KCNAB2: variants seen among roughly 807,000 people sequenced by gnomAD.
KCNAB2 encodes voltage-gated potassium channel subunit beta-2.
KCNAB2 carries 29 observed loss-of-function variants against 63.6 expected under a neutral mutation model. That is an observed-to-expected ratio of 0.46 (90% CI 0.34 to 0.62). The LOEUF is 0.62. Ranked by LOEUF, KCNAB2 falls within the 20% of genes least tolerant of loss-of-function variation. The pLI is 0.01. For synonymous variants in KCNAB2, 222 were observed against 224.2 expected (o/e 0.99, Z 0.09); for missense variants, 359 against 563.9 (o/e 0.64, Z 3.68).
chr1:6,061,513 C>T lies in KCNAB2; in HGVS notation c.218+9759C>T, dbSNP rs34815440. On this transcript the variant is annotated intron_variant, in intron 2 of 15. Coordinates refer to ENST00000378083, the MANE Select transcript of KCNAB2 (RefSeq NM_001199862.2). The stretch of plus-strand genomic sequence containing the variant: ...ACAGAGCAGGCCTCCTCAACCCTGG[C>T]ACCATTGACACTTGGGCTGGACAAT... Among the ~76,000 whole-genome samples the T allele has an allele frequency of 8.8e-3, 1,343 of 152,362 alleles. 11 individuals carry two copies. Among genetic ancestry groups the T allele is most frequent in the Non-Finnish European group, 0.015 (1,043 of 68,034 alleles).
chr1:5,994,259 G>A lies in KCNAB2; in HGVS notation c.-53+1471G>A, dbSNP rs1453561889. 2.0e-5 allele frequency among the ~76,000 whole-genome samples: 3 copies of A among 152,180 alleles called. No homozygotes were observed. Among genetic ancestry groups the A allele is most frequent in the Non-Finnish European group, 4.4e-5 (3 of 68,034 alleles). On this transcript the variant is annotated intron_variant, in intron 1 of 16. Coordinates refer to the KCNAB2 transcript ENST00000341524. The surrounding 1 kb of genome is among the most constrained non-coding windows in gnomAD (Gnocchi z 5.4). ...TAAGGAAGCCGCATTCAGGCCCCGCGTTGCAGGTTGCAGGGTTTGGGGACC... is the reference window on the plus strand; with the variant it reads ...TAAGGAAGCCGCATTCAGGCCCCGCATTGCAGGTTGCAGGGTTTGGGGACC...
chr1:6,040,490 C>T, intron 1 of KCNAB2: 1 of 1,218,000 alleles, frequency 8.2e-7, no homozygotes. Flanking sequence ...CACCCTCTTC[C>T]CCTCCCTTAT....
At chr1:6,018,195 C>A (rs1658625679) in intron 1 of KCNAB2, among the ~76,000 whole-genome samples, 1 of 151,680 alleles carries the variant, frequency 6.6e-6, no homozygotes, top group African/African-American at 2.4e-5. Flanking sequence ...CCTCCCAATC[C>A]CAAAGTGCTG....
At chr1:6,052,396 A>G (rs1661466922) in intron 2 of KCNAB2, among the ~76,000 whole-genome samples, 1 of 151,954 alleles carries the variant, frequency 6.6e-6, no homozygotes, top group Non-Finnish European at 1.5e-5. Context: ...ACTGCACTCC[A>G]GGCTGGGTGA....
chr1:6,076,515 G>C (rs1663675103), intron 4 of KCNAB2, among the ~76,000 whole-genome samples: 1 of 152,238 alleles, frequency 6.6e-6, no homozygotes, highest in Admixed American at 6.5e-5. Flanking sequence ...TAATGGTTGA[G>C]AACCTAACAC....
chr1:6,099,958 G>A lies in KCNAB2; in HGVS notation c.*1384G>A. The stretch of plus-strand genomic sequence containing the variant: ...AGGCCTGTGTCCCAAGCAGTACCCA[G>A]GCTTTGCAGACCACGCGGGGCAGGG... On this transcript the variant is annotated 3_prime_UTR_variant, in exon 16 of 16. Coordinates refer to ENST00000378083, the MANE Select transcript of KCNAB2 (RefSeq NM_001199862.2). 3 of 1,550,222 alleles carry A rather than the reference G, an allele frequency of 1.9e-6. No individual in the cohort carries two copies. Among genetic ancestry groups the A allele is most frequent in the Non-Finnish European group, 8.7e-7 (1 of 1,146,828 alleles).
At chr1:6,050,247 C>T (rs1661273748) in intron 1 of KCNAB2, among the ~76,000 whole-genome samples, 1 of 152,246 alleles carries the variant, frequency 6.6e-6, no homozygotes, top group Non-Finnish European at 1.5e-5. Context: ...TCCAGGATCC[C>T]ACTGTGCAGC....
chr1:6,032,507 G>T (rs1028936042), upstream of KCNAB2, among the ~76,000 whole-genome samples: 1 of 151,732 alleles, frequency 6.6e-6, no homozygotes, highest in Non-Finnish European at 1.5e-5. Context: ...AACCCAGGAG[G>T]CAGAGGTTGC....
rs551307657 is a variant in KCNAB2 at position 6,003,730 on chromosome 1, A to T, written c.-53+10942A>T. The stretch of plus-strand genomic sequence containing the variant: ...TCGTAGTATATAGCTCATGTCCCAG[A>T]ACCAGCCACGTCTCCTCGTCGTCGT... On this transcript the variant is annotated intron_variant, in intron 1 of 16. Transcript: ENST00000341524. This position sits in a 1 kb window ranked among gnomAD's most constrained non-coding sequence, Gnocchi z 4.1. Among the ~76,000 whole-genome samples the T allele has an allele frequency of 6.6e-6, 1 of 152,360 alleles. No individual in the cohort carries two copies. The highest frequency in any genetic ancestry group is 2.4e-5 in the African/African-American group (1 of 41,584).
chr1:6,096,738 C>A lies in KCNAB2; in HGVS notation c.1051C>A (p.Leu351Met). 6.3e-7 allele frequency: 1 copy of A among 1,586,710 alleles called. No homozygotes were observed. The highest frequency in any genetic ancestry group is 1.8e-5 in the Admixed American group (1 of 55,392). Residue 351 changes from leucine to methionine, a missense_variant, in exon 14 of 16, where the codon CTG becomes ATG. Physicochemically the swap from Leu to Met is conservative, Grantham distance 15. Transcript: ENST00000378083. This position sits in a 1 kb window ranked among gnomAD's most constrained non-coding sequence, Gnocchi z 5.9. ...CATCGCCGAGCGCCTGGGCTGCACC[C>A]TGCCCCAGCTGGCCATAGGTAACGG... ...QAIAERLGCT[L>M]PQLAIAWCLR...
intron 1 of KCNAB2, among the ~76,000 whole-genome samples, chr1:6,037,473 C>G (rs535181879): frequency 1.3e-5 from 2 of 152,224 alleles, no homozygotes; most frequent in Non-Finnish European, 2.9e-5. Flanking sequence ...ACCCTCCACT[C>G]TGAAGCCCTG....
chr1:6,098,854 C>G lies in KCNAB2; in HGVS notation c.*280C>G, dbSNP rs1443048816. 1 of 315,074 alleles carries G rather than the reference C, an allele frequency of 3.2e-6. No individual in the cohort carries two copies. Among genetic ancestry groups the G allele is most frequent in the Non-Finnish European group, 5.8e-6 (1 of 171,124 alleles). The allele number at this position is 315,074 out of a possible 1,614,324, so 19.5% of individuals were successfully genotyped here. ...GTCACCTCTGCTCATCCTCCAAGACCACCCAGCTTTCTCCCAGCCACAGCC... is the reference window on the plus strand; with the variant it reads ...GTCACCTCTGCTCATCCTCCAAGACGACCCAGCTTTCTCCCAGCCACAGCC... On this transcript the variant is annotated 3_prime_UTR_variant, in exon 16 of 16. Coordinates refer to ENST00000378083, the MANE Select transcript of KCNAB2 (RefSeq NM_001199862.2).
At chr1:6,039,161 A>C (rs1209730579) in intron 1 of KCNAB2, among the ~76,000 whole-genome samples, 2 of 152,202 alleles carry the variant, frequency 1.3e-5, no homozygotes, top group Non-Finnish European at 2.9e-5. Context: ...CACTGCAGCA[A>C]GGGCGCAGCC....
rs964464171 is a variant in KCNAB2 at position 6,028,098 on chromosome 1, A to G, written c.-52-12419A>G. Among the ~76,000 whole-genome samples, 2 of 152,152 alleles carry G rather than the reference A, an allele frequency of 1.3e-5. No homozygotes were observed. Among genetic ancestry groups the G allele is most frequent in the African/African-American group, 4.8e-5 (2 of 41,428 alleles). Reference sequence around the variant, plus strand: ...ATCCCCATCATGACCCACCAGGCCAACGGCCCCCTAGGGTCTTGACCCCAG... The same window carrying G: ...ATCCCCATCATGACCCACCAGGCCAGCGGCCCCCTAGGGTCTTGACCCCAG... On this transcript the variant is annotated intron_variant, in intron 1 of 16. Coordinates refer to the KCNAB2 transcript ENST00000341524. The surrounding 1 kb of genome is among the most constrained non-coding windows in gnomAD (Gnocchi z 4.0).
intron 2 of KCNAB2, among the ~76,000 whole-genome samples, chr1:6,064,700 G>C (rs1662593963): frequency 6.6e-6 from 1 of 152,140 alleles, no homozygotes; most frequent in African/African-American, 2.4e-5. Flanking sequence ...GGAGGGGTGG[G>C]CTGTGCATAG....
chr1:6,043,196 C>T (rs1013216587), upstream of KCNAB2, among the ~76,000 whole-genome samples: 1 of 152,178 alleles, frequency 6.6e-6, no homozygotes, highest in Non-Finnish European at 1.5e-5. Flanking sequence ...GAGCCGGGAG[C>T]AGCCTCAGTC....
chr1:5,995,489 C>A (rs950673242), intron 1 of KCNAB2, among the ~76,000 whole-genome samples: 1 of 152,240 alleles, frequency 6.6e-6, no homozygotes, highest in African/African-American at 2.4e-5. Flanking sequence ...ATGGGCGCAG[C>A]CAGTGCCCTT....
chr1:6,061,781 C>G (rs1373120479), intron 2 of KCNAB2, among the ~76,000 whole-genome samples: 1 of 152,188 alleles, frequency 6.6e-6, no homozygotes, highest in Non-Finnish European at 1.5e-5. Flanking sequence ...ACCCTCCACC[C>G]CACCTTATTC....
intron 1 of KCNAB2, among the ~76,000 whole-genome samples, chr1:6,039,711 C>T (rs1038984166): frequency 6.6e-6 from 1 of 152,144 alleles, no homozygotes; most frequent in Non-Finnish European, 1.5e-5. Flanking sequence ...AGGAAAGGAT[C>T]CACTTCCAGG....
Sources: gnomAD v4.1 joint callset for allele counts (sites outside exome capture counted in the v4.1 genomes callset) on GRCh38, gnomAD v4.1.1 for gene constraint, Gnocchi (gnomAD v3.1) non-coding constraint, MANE v1.5 for transcripts, NCBI Gene and HGNC (gene_info 2026-07-23, HGNC 2026-07-21) for gene names.